The following CLIC2 variants were observed in gnomAD, a reference collection of about 807,000 sequenced individuals.
CLIC2 encodes the protein CLIC family member 2, also known as chloride intracellular channel protein 2.
Under a neutral mutation model 14.8 loss-of-function variants are expected in CLIC2, and 9 were observed. That is an observed-to-expected ratio of 0.61 (90% CI 0.37 to 1.06). The LOEUF (loss-of-function observed/expected upper bound fraction) is 1.06, where lower values mean the gene tolerates loss of function less well. Among genes scored for constraint, CLIC2 ranks in the 50% least tolerant of loss-of-function variants. The pLI is 0.01. For synonymous variants in CLIC2, 61 were observed against 66.3 expected (o/e 0.92, Z 0.39); for missense variants, 148 against 181.4 (o/e 0.82, Z 1.06).
intron 1 of CLIC2, among the ~76,000 whole-genome samples, chrX:155,322,489 A>T (rs1476696991): frequency 9.0e-6 from 1 of 110,975 alleles, no homozygotes; most frequent in Non-Finnish European, 1.9e-5. Context: ...GCAGAAATAA[A>T]GTTCTTTGAA....
Position 155,277,837 on chromosome X carries a change from C to T in CLIC2, c.*66G>A, listed in dbSNP as rs2074903921. 4 of 1,016,434 alleles carry T rather than the reference C, an allele frequency of 3.9e-6. No homozygotes were observed. The South Asian group carries it at 5.8e-5, about 15-fold the overall frequency. The allele number at this position is 1,016,434 out of a possible 1,213,427, so 83.8% of individuals were successfully genotyped here. ...TTTTTCATATTCTTATTTGCAAAAACCTTTCTAATATGTCAATAAGTAAAA... is the reference window on the plus strand; with the variant it reads ...TTTTTCATATTCTTATTTGCAAAAATCTTTCTAATATGTCAATAAGTAAAA... On this transcript the variant is annotated 3_prime_UTR_variant, in exon 6 of 6. Coordinates refer to ENST00000369449, the MANE Select transcript of CLIC2 (RefSeq NM_001289.6).
chrX:155,309,999 A>G (rs782071683), intron 1 of CLIC2, among the ~76,000 whole-genome samples: 8 of 112,374 alleles, frequency 7.1e-5, no homozygotes, highest in Admixed American at 2.8e-4. Flanking sequence ...CCTTCCATCT[A>G]TGAACCAGTA....
intron 3 of CLIC2, chrX:155,290,367 A>G: frequency 1.0e-4 from 40 of 386,888 alleles, no homozygotes; most frequent in Non-Finnish European, 1.4e-4. Context: ...AATCAGTAGT[A>G]GCTTCATTTT....
In CLIC2 at chrX:155,277,550, C is replaced by T; in HGVS notation, c.*353G>A. 7.0e-6 allele frequency: 1 copy of T among 142,237 alleles called. No individual in the cohort carries two copies. The highest frequency in any genetic ancestry group is 1.4e-5 in the Non-Finnish European group (1 of 72,690). The allele number at this position is 142,237 out of a possible 1,213,427, so 11.7% of individuals were successfully genotyped here. The stretch of plus-strand genomic sequence containing the variant: ...TTTATATGGAAATGTTTCTAAGGAG[C>T]AGGGTGAGATTGTACCTCTACTTAT... On this transcript the variant is annotated 3_prime_UTR_variant, in exon 6 of 6. Transcript: ENST00000369449.
intron 3 of CLIC2, chrX:155,290,679 C>T (rs180819145): frequency 1.6e-5 from 16 of 980,041 alleles, no homozygotes; most frequent in Admixed American, 8.8e-5. Context: ...GAAATGGTAA[C>T]GAGCTGAATC....
intron 1 of CLIC2, among the ~76,000 whole-genome samples, chrX:155,323,201 A>C (rs2075123274): frequency 8.9e-6 from 1 of 111,873 alleles, no homozygotes; most frequent in Non-Finnish European, 1.9e-5. Flanking sequence ...TCATCCTGAC[A>C]CCAGAACCTG....
chrX:155,334,474 C>T lies in CLIC2; in HGVS notation c.-47G>A, dbSNP rs1557323129. On this transcript the variant is annotated 5_prime_UTR_variant, in exon 1 of 6. Transcript: ENST00000369449. ...TCAGCCTCCTGCCTCCTGTAGAGTCCACAATACTTGTAGACTCTTTTCTCA... is the reference window on the plus strand; with the variant it reads ...TCAGCCTCCTGCCTCCTGTAGAGTCTACAATACTTGTAGACTCTTTTCTCA... 3.0e-6 allele frequency: 3 copies of T among 1,012,802 alleles called. No homozygotes were observed. Among genetic ancestry groups the T allele is most frequent in the African/African-American group, 1.9e-5 (1 of 53,878 alleles). The allele number at this position is 1,012,802 out of a possible 1,213,427, so 83.5% of individuals were successfully genotyped here. A position where few individuals can be genotyped will look rare whatever the true frequency, so the allele number is the denominator to read the frequency against.
At chrX:155,334,274 A>G in intron 1 of CLIC2, 97 bp downstream of exon 1, 5 of 684,475 alleles carry the variant, frequency 7.3e-6, no homozygotes, top group South Asian at 2.2e-5. Flanking sequence ...ATTCTTTCCT[A>G]TCTCTAGCCC....
chrX:155,287,100 G>A (rs2074945591), intron 3 of CLIC2, among the ~76,000 whole-genome samples: 1 of 111,778 alleles, frequency 8.9e-6, no homozygotes, highest in Non-Finnish European at 1.9e-5. Flanking sequence ...GTAGTTTTGG[G>A]TTTTACACTT....
At chrX:155,327,353 T>C (rs1557322437) in intron 1 of CLIC2, among the ~76,000 whole-genome samples, 1 of 111,605 alleles carries the variant, frequency 9.0e-6, no homozygotes, top group African/African-American at 3.2e-5. Context: ...TTTTGATGAA[T>C]GTATTTATCT....
intron 1 of CLIC2, among the ~76,000 whole-genome samples, chrX:155,332,915 G>T (rs1387703427): frequency 1.8e-5 from 2 of 112,258 alleles, no homozygotes; most frequent in African/African-American, 6.5e-5. Context: ...CATTACTTCT[G>T]ATTTGGAATT....
intron 1 of CLIC2, 93 bp downstream of exon 1, chrX:155,334,278 C>G (rs2075166648): frequency 1.4e-6 from 1 of 711,443 alleles, no homozygotes; most frequent in Non-Finnish European, 2.3e-6. Context: ...TTTCCTATCT[C>G]TAGCCCAAAT....
intron 1 of CLIC2, among the ~76,000 whole-genome samples, chrX:155,302,684 T>C (rs1160376092): frequency 1.5e-5 from 1 of 68,407 alleles, no homozygotes; most frequent in Non-Finnish European, 2.9e-5. Flanking sequence ...GGTGTCAATT[T>C]TGGATCTTTC....
At chrX:155,298,027 C>T (rs1557318559) in intron 3 of CLIC2, among the ~76,000 whole-genome samples, 2 of 108,765 alleles carry the variant, frequency 1.8e-5, no homozygotes. Context: ...TACCCAATAA[C>T]CTAAGACCTC....
At chrX:155,307,909 A>T (rs1557320169) in intron 1 of CLIC2, among the ~76,000 whole-genome samples, 1 of 111,155 alleles carries the variant, frequency 9.0e-6, no homozygotes, top group Non-Finnish European at 1.9e-5. Flanking sequence ...GGAGAGGTGG[A>T]GCAGGAAAGC....
intron 3 of CLIC2, among the ~76,000 whole-genome samples, chrX:155,288,830 C>T (rs2074952165): frequency 9.0e-6 from 1 of 111,401 alleles, no homozygotes. Flanking sequence ...ACATATATTA[C>T]CTTAGATAAT....
In CLIC2 at chrX:155,277,982, C is replaced by T. The variant is rs781890715; in HGVS notation, c.665G>A (p.Arg222His). The T allele has an allele frequency of 1.5e-5, 18 of 1,203,091 alleles. No individual in the cohort carries two copies. The highest frequency in any genetic ancestry group is 3.5e-5 in the South Asian group (2 of 56,618). ...AGGACACGTGTGGGTAAATTCTTCACGGGCATAGGCATTGTGGAGATAACG... is the reference window on the plus strand; with the variant it reads ...AGGACACGTGTGGGTAAATTCTTCATGGGCATAGGCATTGTGGAGATAACG... Reference protein sequence around the residue: ...VWRYLHNAYAREEFTHTCPED... With the variant: ...VWRYLHNAYAHEEFTHTCPED... Residue 222 changes from arginine (R) to histidine (H), a missense_variant, in exon 6 of 6, where the codon CGT becomes CAT. Coordinates refer to ENST00000369449, the MANE Select transcript of CLIC2 (RefSeq NM_001289.6).
At chrX:155,323,762 T>C (rs2075126156) in intron 1 of CLIC2, among the ~76,000 whole-genome samples, 1 of 112,121 alleles carries the variant, frequency 8.9e-6, no homozygotes, top group African/African-American at 3.2e-5. Flanking sequence ...GCAGATGACA[T>C]GATTGCATAT....
chrX:155,304,157 A>G (rs1401246797), intron 1 of CLIC2, among the ~76,000 whole-genome samples: 270 of 108,372 alleles, frequency 2.5e-3, no homozygotes, highest in African/African-American at 8.9e-3. Flanking sequence ...GTTCTCCTGG[A>G]TAATATCCCG....
Sources: allele counts gnomAD v4.1 joint callset (sites outside exome capture counted in the v4.1 genomes callset), GRCh38; gene constraint gnomAD v4.1.1; transcripts MANE v1.5; gene names NCBI Gene and HGNC (gene_info 2026-07-23, HGNC 2026-07-21).